The following RANBP2 variants were observed in gnomAD, a reference collection of about 807,000 sequenced individuals.
RANBP2 encodes RAN binding protein 2, also known as E3 SUMO-protein ligase RanBP2.
Under a neutral mutation model 303.6 loss-of-function variants are expected in RANBP2, and 57 were observed. That is an observed-to-expected ratio of 0.19 (90% CI 0.15 to 0.23). The LOEUF (loss-of-function observed/expected upper bound fraction) is 0.23, where lower values mean the gene tolerates loss of function less well. RANBP2 is among the 10% of genes least tolerant of loss of function. The pLI, the probability that RANBP2 is intolerant of heterozygous loss-of-function variation, is 1.00. For missense variants in RANBP2, 3,138 were observed against 3,780.8 expected, an observed-to-expected ratio of 0.83 and a Z score of 4.46; for synonymous variants, 1,167 against 1,301.5, an observed-to-expected ratio of 0.90 and a Z score of 2.23.
At chr2:109,419,604 G>T in the RANBP2 span, 1 of 1,594,010 alleles carries the variant, frequency 6.3e-7, no homozygotes, top group Non-Finnish European at 8.5e-7. Context: ...TGTCTGGAGA[G>T]CAGGGCACGC....
rs978127352 is a variant in RANBP2 at position 108,758,334 on chromosome 2, G to C, written c.2467-79G>C. 3.6e-5 allele frequency: 56 copies of C among 1,556,038 alleles called. 2 individuals are homozygous for C. In the Admixed American group the frequency reaches 8.9e-4, roughly 25 times the overall value. ...AAAAATCAGTTATTTAAATTTAAAA[G>C]AGTAAGTTTCCCCAGCACTGTTTCT... On this transcript the variant is annotated intron_variant, in intron 17 of 28. Coordinates refer to ENST00000283195, the MANE Select transcript of RANBP2 (RefSeq NM_006267.5).
At chr2:109,295,174 C>A in the RANBP2 span, among the ~76,000 whole-genome samples, 1 of 152,234 alleles carries the variant, frequency 6.6e-6, no homozygotes, top group Admixed American at 6.5e-5. Flanking sequence ...GTGCCTGCCC[C>A]TCTCCACCCC....
the RANBP2 span, among the ~76,000 whole-genome samples, chr2:109,181,597 T>G: frequency 6.6e-6 from 1 of 152,336 alleles, no homozygotes; most frequent in Non-Finnish European, 1.5e-5. Context: ...TTAAAAGTTA[T>G]GTTTTTACCT....
the RANBP2 span, among the ~76,000 whole-genome samples, chr2:109,461,249 T>A: frequency 6.6e-6 from 1 of 152,204 alleles, no homozygotes; most frequent in Non-Finnish European, 1.5e-5. Flanking sequence ...CAGCTCTAGT[T>A]GCATGGTAAT....
chr2:108,947,127 G>A, the RANBP2 span, among the ~76,000 whole-genome samples: 1 of 152,228 alleles, frequency 6.6e-6, no homozygotes, highest in Non-Finnish European at 1.5e-5. Context: ...AGGGGCCATA[G>A]GCCCCATGCA....
At chr2:109,559,877 G>C in the RANBP2 span, among the ~76,000 whole-genome samples, 687 of 148,196 alleles carry the variant, frequency 4.6e-3, 2 homozygotes, top group Non-Finnish European at 7.3e-3. Context: ...CTTCAAATCT[G>C]CAAGTCCAGA....
chr2:109,438,472 T>C, the RANBP2 span, among the ~76,000 whole-genome samples: 1 of 152,220 alleles, frequency 6.6e-6, no homozygotes, highest in African/African-American at 2.4e-5. Context: ...GAAAGCTTCA[T>C]GGGTGGTCTG....
chr2:109,398,471 T>A, the RANBP2 span: 1 of 911,644 alleles, frequency 1.1e-6, no homozygotes, highest in African/African-American at 1.7e-5. Context: ...CCCTGCAGTC[T>A]GACGGATTTG....
At chr2:109,619,425 T>G in the RANBP2 span, among the ~76,000 whole-genome samples, 1 of 152,128 alleles carries the variant, frequency 6.6e-6, no homozygotes, top group Admixed American at 6.5e-5. Flanking sequence ...AGGAATACCG[T>G]TTTTCATTTT....
At chr2:109,005,843 C>G in the RANBP2 span, among the ~76,000 whole-genome samples, 2 of 152,236 alleles carry the variant, frequency 1.3e-5, no homozygotes, top group Non-Finnish European at 2.9e-5. Context: ...CTTCACATTT[C>G]AACAGCTGAC....
At chr2:109,539,697 C>T in the RANBP2 span, among the ~76,000 whole-genome samples, 1 of 152,182 alleles carries the variant, frequency 6.6e-6, no homozygotes, top group African/African-American at 2.4e-5. Context: ...GCCCACCTTG[C>T]CTCCCAAAGT....
the RANBP2 span, among the ~76,000 whole-genome samples, chr2:109,446,137 G>C: frequency 1.3e-5 from 2 of 152,038 alleles, no homozygotes; most frequent in East Asian, 1.9e-4. Flanking sequence ...TGAAAATAAG[G>C]GTAAATCCTA....
the RANBP2 span, among the ~76,000 whole-genome samples, chr2:109,720,051 C>A: frequency 6.6e-6 from 1 of 152,118 alleles, no homozygotes; most frequent in Non-Finnish European, 1.5e-5. Context: ...ACTGCCCTTA[C>A]CAGCCAGCTT....
At chr2:109,437,089 T>C in the RANBP2 span, 1 of 1,613,436 alleles carries the variant, frequency 6.2e-7, no homozygotes, top group Non-Finnish European at 8.5e-7. Flanking sequence ...AACAGGCAGC[T>C]GTCTACGGCA....
At chr2:109,559,784 A>C in the RANBP2 span, among the ~76,000 whole-genome samples, 1 of 152,198 alleles carries the variant, frequency 6.6e-6, no homozygotes, top group Non-Finnish European at 1.5e-5. Flanking sequence ...GCAGTGAACA[A>C]AAAAGGCTGG....
At chr2:109,071,087 C>T in the RANBP2 span, among the ~76,000 whole-genome samples, 1 of 152,274 alleles carries the variant, frequency 6.6e-6, no homozygotes, top group African/African-American at 2.4e-5. Flanking sequence ...GCAGGGAGAT[C>T]AGTGGTGCTT....
Position 108,766,325 on chromosome 2 carries a change from G to A in RANBP2, c.5786G>A (p.Gly1929Asp), listed in dbSNP as rs778007786. 9.3e-6 allele frequency: 15 copies of A among 1,611,852 alleles called. No individual in the cohort carries two copies. The African/African-American group carries it at 1.9e-4, about 20-fold the overall frequency. Residue 1929 changes from glycine to aspartate, a missense_variant, in exon 20 of 29, where the codon GGC becomes GAC. Coordinates refer to ENST00000283195, the MANE Select transcript of RANBP2 (RefSeq NM_006267.5). ...GGCTTCCAGGCTCAGGATATTAGTGGCCAGAAGAATGGCCGTGGTGTGATT... is the reference window on the plus strand; with the variant it reads ...GGCTTCCAGGCTCAGGATATTAGTGACCAGAAGAATGGCCGTGGTGTGATT... ...GTGFQAQDIS[G>D]QKNGRGVIFG... is the part of the protein sequence containing the mutation.
chr2:109,081,943 G>A, the RANBP2 span, among the ~76,000 whole-genome samples: 4 of 152,324 alleles, frequency 2.6e-5, no homozygotes, highest in South Asian at 2.1e-4. Flanking sequence ...CTTCATCTCC[G>A]TATTTGTCCT....
chr2:108,751,471 A>G, intron 10 of RANBP2, 26 bp downstream of exon 10: 1 of 1,611,780 alleles, frequency 6.2e-7, no homozygotes, highest in Non-Finnish European at 8.5e-7. Context: ...AACAAATTAA[A>G]TATTCTGAAT....
Sources: gnomAD v4.1 joint callset for allele counts (sites outside exome capture counted in the v4.1 genomes callset) on GRCh38, gnomAD v4.1.1 for gene constraint, MANE v1.5 for transcripts, NCBI Gene and HGNC (gene_info 2026-07-23, HGNC 2026-07-21) for gene names.